The following PTPRK variants were observed in gnomAD, a reference collection of about 807,000 sequenced individuals.
PTPRK encodes protein tyrosine phosphatase receptor type K.
In PTPRK, 75 loss-of-function variants were observed where a neutral mutation model predicts 178.0. The ratio of observed to expected loss-of-function variants is 0.42; its 90% confidence interval spans 0.35 to 0.51. The LOEUF is 0.51. PTPRK is among the 20% of genes least tolerant of loss of function. The pLI is 0.02. For missense variants in PTPRK, 1,441 were observed against 1,797.8 expected (o/e 0.80, Z 3.59); for synonymous variants, 637 against 620.6 (o/e 1.03, Z -0.39).
At chr6:128,327,979 A>T (rs1283803443) in intron 2 of PTPRK, among the ~76,000 whole-genome samples, 1 of 152,178 alleles carries the variant, frequency 6.6e-6, no homozygotes, top group Non-Finnish European at 1.5e-5. Context: ...TTCTCCCTGC[A>T]GCAGAGTGGC....
At chr6:128,075,998 T>C (rs1783743290) in intron 11 of PTPRK, among the ~76,000 whole-genome samples, 1 of 151,994 alleles carries the variant, frequency 6.6e-6, no homozygotes, top group African/African-American at 2.4e-5. Flanking sequence ...TATGTAGTTC[T>C]GGTTTATTTG....
chr6:128,347,619 G>C (rs184710943), intron 2 of PTPRK, among the ~76,000 whole-genome samples: 6 of 152,160 alleles, frequency 3.9e-5, no homozygotes, highest in Admixed American at 3.9e-4. Flanking sequence ...ATGAGGGGAA[G>C]GGGACAGTAG....
chr6:128,302,391 C>CA (rs534525238), intron 3 of PTPRK, among the ~76,000 whole-genome samples: 1,823 of 30,666 alleles, frequency 0.059, 203 homozygotes, highest in Non-Finnish European at 0.12. Context: ...GACTCAATTC[C>CA]AAAAAAAAAA....
intron 1 of PTPRK, among the ~76,000 whole-genome samples, chr6:128,465,706 C>T (rs1849760559): frequency 6.6e-6 from 1 of 152,046 alleles, no homozygotes; most frequent in Non-Finnish European, 1.5e-5. Context: ...TTTTTATTTG[C>T]TATTGAATGA....
At chr6:128,107,485 A>T (rs186895100) in intron 7 of PTPRK, among the ~76,000 whole-genome samples, 126 of 152,332 alleles carry the variant, frequency 8.3e-4, no homozygotes, top group Non-Finnish European at 1.2e-3. Context: ...TAATTCCTCT[A>T]GCCCAAAGCT....
intron 13 of PTPRK, among the ~76,000 whole-genome samples, chr6:128,017,933 G>C (rs1421941391): frequency 6.7e-6 from 1 of 149,720 alleles, no homozygotes; most frequent in Non-Finnish European, 1.5e-5. Context: ...GTTCTGCAGA[G>C]GTCCTCTGAG....
intron 2 of PTPRK, among the ~76,000 whole-genome samples, chr6:128,354,642 T>C (rs1196356724): frequency 2.0e-5 from 3 of 152,210 alleles, no homozygotes; most frequent in East Asian, 3.8e-4. Flanking sequence ...GCAATAAGAA[T>C]GGTTAACATG....
chr6:128,411,747 G>A (rs1181159196), intron 1 of PTPRK, among the ~76,000 whole-genome samples: 1 of 152,262 alleles, frequency 6.6e-6, no homozygotes, highest in East Asian at 1.9e-4. Flanking sequence ...ACAGCACACA[G>A]TAAATACTAC....
chr6:128,118,425 C>T (rs184578175), intron 7 of PTPRK, among the ~76,000 whole-genome samples: 39 of 152,256 alleles, frequency 2.6e-4, no homozygotes, highest in African/African-American at 9.4e-4. Flanking sequence ...AGGAAGAATG[C>T]TGAATTTTAC....
chr6:128,186,914 ACT>A (rs1802858008), intron 6 of PTPRK, among the ~76,000 whole-genome samples: 1 of 152,180 alleles, frequency 6.6e-6, no homozygotes, highest in Non-Finnish European at 1.5e-5. Context: ...TTGTGAATAA[ACT>A]GAGTTGCCTC....
At position 128,089,811 on chromosome 6, in the gene PTPRK, T is replaced by A; in HGVS notation, c.1344A>T (p.Lys448Asn). The A allele has an allele frequency of 6.2e-7, 1 of 1,614,030 alleles. No homozygotes were observed. The highest frequency in any genetic ancestry group is 8.5e-7 in the Non-Finnish European group (1 of 1,179,892). ...GATGGTTCACAACATGCTGAGGGGCTTTGGGGTCCATGTCCAAACAGTCTG... is the reference window on the plus strand; with the variant it reads ...GATGGTTCACAACATGCTGAGGGGCATTGGGGTCCATGTCCAAACAGTCTG... The part of the protein sequence containing the change: ...SKADCLDMDP[K>N]APQHVVNHLP... Residue 448 changes from lysine (K) to asparagine (N), a missense_variant, in exon 8 of 30, where the codon AAA (lysine) becomes AAT (asparagine). By Grantham distance (94) the Lys-to-Asn change is moderately conservative. This residue lies in a region of PTPRK where 945 missense variants were observed against 1,080.6 expected (regional missense o/e 0.87). Transcript: ENST00000368226.
At chr6:128,255,583 C>A (rs1451967971) in intron 3 of PTPRK, among the ~76,000 whole-genome samples, 1 of 152,222 alleles carries the variant, frequency 6.6e-6, no homozygotes, top group Non-Finnish European at 1.5e-5. Context: ...GATATTTAAC[C>A]TGTTTAACCT....
At chr6:128,172,356 G>A (rs1289878713) in intron 7 of PTPRK, among the ~76,000 whole-genome samples, 1 of 151,840 alleles carries the variant, frequency 6.6e-6, no homozygotes, top group Non-Finnish European at 1.5e-5. Flanking sequence ...ATCTGAAAGG[G>A]TAGAAACATT....
chr6:128,469,364 G>A (rs1584866917), intron 1 of PTPRK, among the ~76,000 whole-genome samples: 1 of 152,092 alleles, frequency 6.6e-6, no homozygotes. Context: ...CCAAAATAAT[G>A]TATATTCCAA....
chr6:128,016,173 G>T (rs182411427), intron 13 of PTPRK, among the ~76,000 whole-genome samples: 22 of 151,876 alleles, frequency 1.4e-4, no homozygotes, highest in African/African-American at 4.8e-4. Flanking sequence ...ATTAAGAAGA[G>T]AAAAATACAA....
chr6:128,184,929 A>G (rs1254728183), intron 6 of PTPRK, among the ~76,000 whole-genome samples: 1 of 152,120 alleles, frequency 6.6e-6, no homozygotes, highest in Non-Finnish European at 1.5e-5. Context: ...CTATTTTAAC[A>G]TAATTTTCCT....
chr6:127,989,860 C>T (rs1776406569), intron 21 of PTPRK, among the ~76,000 whole-genome samples: 1 of 150,846 alleles, frequency 6.6e-6, no homozygotes, highest in South Asian at 2.1e-4. Context: ...AAATTAAGGA[C>T]ATTAATAAAC....
intron 15 of PTPRK, among the ~76,000 whole-genome samples, chr6:128,001,479 T>C (rs1239131900): frequency 6.6e-6 from 1 of 152,020 alleles, no homozygotes; most frequent in Non-Finnish European, 1.5e-5. Flanking sequence ...TAAAACCAGC[T>C]TGACTTTCAA....
intron 1 of PTPRK, among the ~76,000 whole-genome samples, chr6:128,447,531 T>C (rs1000422892): frequency 3.3e-5 from 5 of 152,174 alleles, no homozygotes; most frequent in South Asian, 4.2e-4. Flanking sequence ...CAATAGCTAA[T>C]GAGTGGTGAG....
Sources: gnomAD v4.1 joint callset for allele counts (sites outside exome capture counted in the v4.1 genomes callset) on GRCh38, gnomAD v4.1.1 for gene constraint, gnomAD v4.1.1 regional missense constraint, MANE v1.5 for transcripts, NCBI Gene and HGNC (gene_info 2026-07-23, HGNC 2026-07-21) for gene names.